MKLN1: variants seen among roughly 807,000 people sequenced by gnomAD.
MKLN1 encodes muskelin.
Under a neutral mutation model 99.0 loss-of-function variants are expected in MKLN1, and 18 were observed. That is an observed-to-expected ratio of 0.18 (90% confidence interval 0.13 to 0.27). The LOEUF is 0.27. Among genes scored for constraint, MKLN1 ranks in the 10% least tolerant of loss-of-function variants. MKLN1 has a pLI of 1.00. For synonymous variants in MKLN1, 288 were observed against 293.2 expected, an observed-to-expected ratio of 0.98 and a Z score of 0.18; for missense variants, 621 against 875.9, an observed-to-expected ratio of 0.71 and a Z score of 3.67.
At chr7:131,252,036 C>G (rs535489443) in intron 3 of MKLN1, among the ~76,000 whole-genome samples, 1 of 152,290 alleles carries the variant, frequency 6.6e-6, no homozygotes, top group African/African-American at 2.4e-5. Flanking sequence ...AGGCATAATT[C>G]TGGTTTAAAA....
intron 1 of MKLN1, 96 bp downstream of exon 1, chr7:131,328,093 A>C: frequency 1.4e-6 from 2 of 1,446,352 alleles, no homozygotes; most frequent in Non-Finnish European, 1.9e-6. Context: ...CGAGAGGCCC[A>C]GGCGGGGCCT....
At chr7:131,118,851 A>G (rs919167257) in intron 1 of MKLN1, among the ~76,000 whole-genome samples, 1 of 152,176 alleles carries the variant, frequency 6.6e-6, no homozygotes, top group Non-Finnish European at 1.5e-5. Context: ...CCATGATCCA[A>G]TCACCTCCCA....
intron 1 of MKLN1, among the ~76,000 whole-genome samples, chr7:131,357,091 C>A (rs1361557005): frequency 6.6e-6 from 1 of 152,144 alleles, no homozygotes; most frequent in Non-Finnish European, 1.5e-5. Flanking sequence ...AATTAATGAA[C>A]CAATATTTAT....
intron 3 of MKLN1, among the ~76,000 whole-genome samples, chr7:131,270,938 C>T (rs1455377958): frequency 6.6e-6 from 1 of 150,862 alleles, no homozygotes; most frequent in South Asian, 2.1e-4. Context: ...TTCATTGATT[C>T]TTTCATTTGC....
At chr7:131,437,714 CTAT>C in intron 9 of MKLN1, 68 bp from the exon 10 acceptor site, 1 of 1,186,240 alleles carries the variant, frequency 8.4e-7, no homozygotes, top group Non-Finnish European at 1.2e-6. Context: ...TTTAATTTTT[CTAT>C]TATTTGTTCT....
At chr7:131,473,952 C>T (rs964033746) in intron 16 of MKLN1, among the ~76,000 whole-genome samples, 1 of 152,102 alleles carries the variant, frequency 6.6e-6, no homozygotes, top group Non-Finnish European at 1.5e-5. Context: ...AGTTCAAGAC[C>T]AGCCTGGCCA....
chr7:131,149,102 T>A (rs1404244868), intron 2 of MKLN1, among the ~76,000 whole-genome samples: 1 of 152,216 alleles, frequency 6.6e-6, no homozygotes, highest in African/African-American at 2.4e-5. Flanking sequence ...GGTTTTGGTA[T>A]GGCTTGGTTT....
intron 1 of MKLN1, among the ~76,000 whole-genome samples, chr7:131,125,801 G>A (rs1031766064): frequency 2.0e-5 from 3 of 151,816 alleles, no homozygotes; most frequent in Non-Finnish European, 4.4e-5. Context: ...TCAGGAGATC[G>A]AGACCATCCT....
intron 1 of MKLN1, among the ~76,000 whole-genome samples, chr7:131,347,446 C>T (rs899746027): frequency 8.5e-5 from 13 of 152,110 alleles, no homozygotes; most frequent in African/African-American, 3.1e-4. Flanking sequence ...GTGTATGCTG[C>T]AAGAGCATGC....
chr7:131,325,687 A>G (rs1249284673), upstream of MKLN1, among the ~76,000 whole-genome samples: 1 of 137,622 alleles, frequency 7.3e-6, no homozygotes, highest in Admixed American at 8.0e-5. Context: ...ACAGAGTCAG[A>G]GTGAGATTCT....
At chr7:131,175,246 GGATAGATA>G (rs760615190) in intron 2 of MKLN1, among the ~76,000 whole-genome samples, 1 of 50,936 alleles carries the variant, frequency 2.0e-5, no homozygotes, top group Non-Finnish European at 3.6e-5. Flanking sequence ...ATGGATGGAT[GGATAGATA>G]GATAGATAGA....
chr7:131,227,485 C>T (rs938731128), intron 3 of MKLN1, among the ~76,000 whole-genome samples: 147 of 88,668 alleles, frequency 1.7e-3, no homozygotes, highest in Middle Eastern at 7.0e-3. Flanking sequence ...CTCTCTTTCT[C>T]TCTTTCTTTC....
In MKLN1 at chr7:131,490,526, T is replaced by C. The variant is rs901334801; in HGVS notation, c.*2798T>C. 6.6e-6 allele frequency: 1 copy of C among 152,614 alleles called. No individual in the cohort carries two copies. Among genetic ancestry groups the C allele is most frequent in the African/African-American group, 2.4e-5 (1 of 41,466 alleles). The allele number at this position is 152,614 out of a possible 1,614,324, so 9.5% of individuals were successfully genotyped here. On this transcript the variant is annotated 3_prime_UTR_variant, in exon 18 of 18. Transcript: ENST00000352689. Reference sequence around the variant, plus strand: ...TGATTGATTGAAGAATGTATCACTCTTATTCAAGCAAAGGAATTCAGACTT... The same window carrying C: ...TGATTGATTGAAGAATGTATCACTCCTATTCAAGCAAAGGAATTCAGACTT...
intron 2 of MKLN1, among the ~76,000 whole-genome samples, chr7:131,179,533 T>C (rs1796348593): frequency 6.6e-6 from 1 of 151,400 alleles, no homozygotes; most frequent in Non-Finnish European, 1.5e-5. Context: ...GCTATCTCCA[T>C]TGCATTTGTT....
intron 3 of MKLN1, among the ~76,000 whole-genome samples, chr7:131,288,445 T>C (rs1398705141): frequency 6.6e-6 from 1 of 152,200 alleles, no homozygotes; most frequent in African/African-American, 2.4e-5. Flanking sequence ...TTTCATCAAA[T>C]GATTTTCAAA....
chr7:131,221,356 G>A (rs1797056900), intron 3 of MKLN1, among the ~76,000 whole-genome samples: 5 of 152,188 alleles, frequency 3.3e-5, no homozygotes, highest in Admixed American at 1.3e-4. Flanking sequence ...TAGTGCTGGA[G>A]GAGAAAGGTG....
chr7:131,427,825 A>G (rs1413769789), intron 8 of MKLN1, among the ~76,000 whole-genome samples: 1 of 150,194 alleles, frequency 6.7e-6, no homozygotes, highest in Admixed American at 6.7e-5. Flanking sequence ...AAGTGCTGGG[A>G]TTACAGGCAT....
At chr7:131,349,658 C>T (rs994241087) in intron 1 of MKLN1, among the ~76,000 whole-genome samples, 2 of 152,266 alleles carry the variant, frequency 1.3e-5, no homozygotes, top group Non-Finnish European at 2.9e-5. Flanking sequence ...TCTGAAGGGT[C>T]ATTTAATTTC....
intron 3 of MKLN1, among the ~76,000 whole-genome samples, chr7:131,244,916 C>A (rs938345076): frequency 6.6e-6 from 1 of 152,188 alleles, no homozygotes; most frequent in Non-Finnish European, 1.5e-5. Context: ...GACACCCCTA[C>A]ACGGCGGCAC....
Sources: gnomAD v4.1 joint callset for allele counts (sites outside exome capture counted in the v4.1 genomes callset) on GRCh38, gnomAD v4.1.1 for gene constraint, MANE v1.5 for transcripts, NCBI Gene and HGNC (gene_info 2026-07-23, HGNC 2026-07-21) for gene names.